Variants in HMGA2 observed in about 807,000 individuals in gnomAD.
HMGA2 encodes high mobility group protein HMGI-C.
A neutral mutation model predicts 19.1 loss-of-function variants in HMGA2; 8 were observed. That is an observed-to-expected ratio of 0.42 (90% CI 0.25 to 0.76). The LOEUF (loss-of-function observed/expected upper bound fraction) is 0.76. Among genes scored for constraint, HMGA2 ranks in the 30% least tolerant of loss-of-function variants. The pLI is 0.28. For missense variants in HMGA2, 109 were observed against 136.3 expected, an observed-to-expected ratio of 0.80 and a Z score of 1.00; for synonymous variants, 60 against 48.8, an observed-to-expected ratio of 1.23 and a Z score of -0.96.
chr12:65,898,549 TG>T (rs983152245), intron 3 of HMGA2, among the ~76,000 whole-genome samples: 5 of 152,092 alleles, frequency 3.3e-5, no homozygotes, highest in Non-Finnish European at 2.9e-5. Flanking sequence ...AAAATATCGG[TG>T]TTATCTGATA....
At chr12:65,939,772 A>G (rs985234175) in intron 3 of HMGA2, among the ~76,000 whole-genome samples, 1 of 152,236 alleles carries the variant, frequency 6.6e-6, no homozygotes, top group Non-Finnish European at 1.5e-5. Flanking sequence ...GCACGGGAGC[A>G]CCAGCCAGGG....
At chr12:65,865,287 T>C (rs1592399324) in intron 3 of HMGA2, among the ~76,000 whole-genome samples, 3 of 152,314 alleles carry the variant, frequency 2.0e-5, no homozygotes, top group East Asian at 1.9e-4. Context: ...TGGATTTTTG[T>C]TGGATTTCTG....
At chr12:65,938,454 C>T (rs1215968334) in intron 3 of HMGA2, among the ~76,000 whole-genome samples, 2 of 152,092 alleles carry the variant, frequency 1.3e-5, no homozygotes, top group Non-Finnish European at 2.9e-5. Context: ...ATTTCCATTA[C>T]CTCCTTACAT....
chr12:65,948,583 T>C (rs1283855991), intron 3 of HMGA2: 1 of 152,242 alleles, frequency 6.6e-6, no homozygotes, highest in Non-Finnish European at 1.5e-5. Flanking sequence ...CAACAAAAAC[T>C]TTCTCGGCAC....
chr12:65,963,471 CT>C lies in HMGA2; in HGVS notation c.*180del, dbSNP rs1427708833. 3 of 611,398 alleles carry C rather than the reference CT, an allele frequency of 4.9e-6. No homozygotes were observed. In the African/African-American group the frequency reaches 5.5e-5, roughly 11 times the overall value. The allele number at this position is 611,398 out of a possible 1,614,324, so 37.9% of individuals were successfully genotyped here. A position where few individuals can be genotyped will look rare whatever the true frequency, so the allele number is the denominator to read the frequency against. On this transcript the variant is annotated 3_prime_UTR_variant, in exon 5 of 5. Coordinates refer to ENST00000403681, the MANE Select transcript of HMGA2 (RefSeq NM_003483.6). The stretch of plus-strand genomic sequence containing the variant: ...AGAAATCACATAACCTTAAAAAGGA[CT>C]ATATTAATCACCTTCTTTGTAATCC...
rs187939732 is a variant in HMGA2 at position 65,965,339 on chromosome 12, G to A, written c.*2047G>A. 1.4e-3 allele frequency: 291 copies of A among 205,860 alleles called. 1 individual carries two copies. Among genetic ancestry groups the A allele is most frequent in the Non-Finnish European group, 1.9e-3 (191 of 100,346 alleles). The allele number at this position is 205,860 out of a possible 1,614,324, so 12.8% of individuals were successfully genotyped here. A position where few individuals can be genotyped will look rare whatever the true frequency, so the allele number is the denominator to read the frequency against. On this transcript the variant is annotated 3_prime_UTR_variant, in exon 5 of 5. Transcript: ENST00000403681. Reference sequence around the variant, plus strand: ...ATTTATTTTAAACGCTTCTTATGTAGAGTTTTTATGCCTTTCTCTCCTAGT... The same window carrying A: ...ATTTATTTTAAACGCTTCTTATGTAAAGTTTTTATGCCTTTCTCTCCTAGT...
At chr12:65,961,665 G>A (rs1043493166) in intron 4 of HMGA2, among the ~76,000 whole-genome samples, 3 of 152,096 alleles carry the variant, frequency 2.0e-5, no homozygotes, top group Admixed American at 2.0e-4. Flanking sequence ...GTCTTCGGGG[G>A]GAAAGAGAAT....
intron 3 of HMGA2, among the ~76,000 whole-genome samples, chr12:65,904,853 C>A (rs1473676608): frequency 6.6e-6 from 1 of 151,930 alleles, no homozygotes; most frequent in South Asian, 2.1e-4. Flanking sequence ...AGCAGCCTGG[C>A]CAACATGGTG....
At chr12:65,849,040 T>C (rs920590764) in intron 3 of HMGA2, among the ~76,000 whole-genome samples, 4 of 152,190 alleles carry the variant, frequency 2.6e-5, no homozygotes, top group African/African-American at 9.7e-5. Context: ...CGATTATGGT[T>C]GGTAATGTTC....
At chr12:65,853,935 A>G (rs933856733) in intron 3 of HMGA2, among the ~76,000 whole-genome samples, 1 of 152,264 alleles carries the variant, frequency 6.6e-6, no homozygotes, top group Non-Finnish European at 1.5e-5. Context: ...TAGTTAATCT[A>G]GGAGAGATGA....
intron 3 of HMGA2, among the ~76,000 whole-genome samples, chr12:65,892,950 ACT>A (rs1473904495): frequency 1.3e-5 from 2 of 151,920 alleles, no homozygotes; most frequent in African/African-American, 4.8e-5. Flanking sequence ...TGGCTCAAAG[ACT>A]CTCTGCTTCC....
At chr12:65,908,011 T>C (rs1379879673) in intron 3 of HMGA2, among the ~76,000 whole-genome samples, 2 of 152,188 alleles carry the variant, frequency 1.3e-5, no homozygotes, top group African/African-American at 2.4e-5. Flanking sequence ...TTAAATAAAA[T>C]TGAGATATCC....
At chr12:65,835,431 A>G (rs183991703) in intron 2 of HMGA2, among the ~76,000 whole-genome samples, 1 of 152,330 alleles carries the variant, frequency 6.6e-6, no homozygotes, top group East Asian at 1.9e-4. Context: ...GACGCCACAC[A>G]GCACAGCTAA....
intron 3 of HMGA2, among the ~76,000 whole-genome samples, chr12:65,870,276 C>T (rs73327469): frequency 2.0e-4 from 30 of 152,092 alleles, no homozygotes; most frequent in Non-Finnish European, 2.5e-4. Flanking sequence ...TAACCTTGTA[C>T]GAGCCTTGTA....
intron 3 of HMGA2, among the ~76,000 whole-genome samples, chr12:65,886,363 CTTT>C (rs766865222): frequency 2.2e-5 from 3 of 138,212 alleles, no homozygotes; most frequent in South Asian, 2.7e-4. Context: ...CTTTTTCTCT[CTTT>C]TTTTTTTTTT....
intron 3 of HMGA2, among the ~76,000 whole-genome samples, chr12:65,936,892 G>A (rs1875914479): frequency 1.3e-5 from 2 of 152,108 alleles, no homozygotes; most frequent in African/African-American, 4.8e-5. Context: ...CCAAAGCCCT[G>A]TTCTTCCCCC....
At chr12:65,879,484 T>G (rs1023772996) in intron 3 of HMGA2, among the ~76,000 whole-genome samples, 2 of 152,184 alleles carry the variant, frequency 1.3e-5, no homozygotes, top group Non-Finnish European at 2.9e-5. Context: ...TATATAAAGT[T>G]TTTTTCTTCT....
intron 3 of HMGA2, among the ~76,000 whole-genome samples, chr12:65,947,571 T>G (rs781037307): frequency 9.2e-5 from 14 of 152,218 alleles, no homozygotes; most frequent in Admixed American, 2.6e-4. Context: ...ACAAGCTTTT[T>G]GAAAGGTGCA....
intron 3 of HMGA2, among the ~76,000 whole-genome samples, chr12:65,855,301 T>C (rs1449244258): frequency 6.6e-6 from 1 of 152,200 alleles, no homozygotes; most frequent in Non-Finnish European, 1.5e-5. Context: ...AGAACAATTA[T>C]AGTAGAACCA....
Sources: allele counts gnomAD v4.1 joint callset (sites outside exome capture counted in the v4.1 genomes callset), GRCh38; gene constraint gnomAD v4.1.1; transcripts MANE v1.5; gene names NCBI Gene and HGNC (gene_info 2026-07-23, HGNC 2026-07-21).